The following C3orf33 variants were observed in gnomAD, a reference collection of about 807,000 sequenced individuals.
The protein encoded by C3orf33 is AP-1 activity suppressor.
A neutral mutation model predicts 28.7 loss-of-function variants in C3orf33; 23 were observed. The observed-to-expected ratio is 0.80, with a 90% CI of 0.58 to 1.13. The LOEUF is 1.13. Among genes scored for constraint, C3orf33 ranks in the 50% most tolerant of loss-of-function variants. The probability of loss-of-function intolerance (pLI) is 0.00; values close to 1 mark genes in which losing one functional copy is unlikely to be tolerated. For synonymous variants in C3orf33, 119 were observed against 120.5 expected, an observed-to-expected ratio of 0.99 and a Z score of 0.08; for missense variants, 327 against 353.4, an observed-to-expected ratio of 0.93 and a Z score of 0.60.
intron 3 of C3orf33, 82 bp downstream of exon 3, chr3:155,775,619 A>C: frequency 3.1e-6 from 3 of 963,626 alleles, no homozygotes; most frequent in Non-Finnish European, 4.5e-6. Flanking sequence ...AATTAAAATG[A>C]CTTTTTTTTG....
In C3orf33 at chr3:155,806,228, C is replaced by G; in HGVS notation, c.25G>C (p.Gly9Arg). 1.4e-6 allele frequency: 2 copies of G among 1,476,408 alleles called. No individual in the cohort carries two copies. The highest frequency in any genetic ancestry group is 1.8e-6 in the Non-Finnish European group (2 of 1,113,058). 91.5% of individuals were successfully genotyped at this position (1,476,408 alleles called of 1,614,324 possible). A position where few individuals can be genotyped will look rare whatever the true frequency, so the allele number is the denominator to read the frequency against. MAGQPAATGSPSADKDGME... is the reference protein window; with the variant it reads MAGQPAATRSPSADKDGME... ...CCGTCCTTGTCGGCAGACGGCGAGC[C>G]GGTGGCCGCGGGCTGCCCCGCCATG... is the stretch of plus-strand genomic sequence containing the variant. Residue 9 changes from glycine (G) to arginine (R), a missense_variant, in exon 1 of 5, where the codon GGC becomes CGC. Physicochemically the swap from Gly to Arg is moderately radical, Grantham distance 125 (BLOSUM62 -2). Transcript: ENST00000340171.
chr3:155,780,810 G>T (rs1389389812), intron 2 of C3orf33, among the ~76,000 whole-genome samples: 2 of 152,154 alleles, frequency 1.3e-5, no homozygotes, highest in Non-Finnish European at 2.9e-5. Context: ...ACGCTTTCCT[G>T]ACAAAGGAAA....
At chr3:155,803,897 C>T (rs897733240) in intron 1 of C3orf33, among the ~76,000 whole-genome samples, 5 of 149,296 alleles carry the variant, frequency 3.3e-5, no homozygotes, top group African/African-American at 1.0e-4. Context: ...AAAAAAGAGG[C>T]CGGCGCAGTG....
intron 3 of C3orf33, among the ~76,000 whole-genome samples, chr3:155,773,999 C>T (rs1750665495): frequency 6.6e-6 from 1 of 152,166 alleles, no homozygotes; most frequent in East Asian, 1.9e-4. Flanking sequence ...CAATCTTGTT[C>T]CTTTACAGTT....
intron 4 of C3orf33, among the ~76,000 whole-genome samples, chr3:155,766,747 G>A (rs950998594): frequency 6.6e-5 from 10 of 152,120 alleles, no homozygotes; most frequent in Non-Finnish European, 1.5e-5. Flanking sequence ...TCAGGAGTTC[G>A]AGACCTGCCT....
chr3:155,778,141 C>CAAAAAAAAAA (rs55700532), intron 2 of C3orf33, among the ~76,000 whole-genome samples: 6 of 75,778 alleles, frequency 7.9e-5, no homozygotes, highest in East Asian at 4.7e-4. Flanking sequence ...AACTCCATTT[C>CAAAAAAAAAA]AAAAAAAAAA....
chr3:155,777,303 A>G (rs867878601), intron 2 of C3orf33, among the ~76,000 whole-genome samples: 5 of 152,160 alleles, frequency 3.3e-5, no homozygotes, highest in Middle Eastern at 3.4e-3. Flanking sequence ...AACAAGAGCG[A>G]AACTCTGTCT....
chr3:155,783,149 C>T (rs1222690208), intron 2 of C3orf33, among the ~76,000 whole-genome samples: 73 of 150,214 alleles, frequency 4.9e-4, no homozygotes, highest in Admixed American at 4.8e-3. Flanking sequence ...ATACTCAACC[C>T]ATTCTACATT....
At chr3:155,781,053 A>C (rs1750906141) in intron 2 of C3orf33, among the ~76,000 whole-genome samples, 1 of 148,566 alleles carries the variant, frequency 6.7e-6, no homozygotes, top group South Asian at 2.1e-4. Flanking sequence ...TGCGGACTGC[A>C]GTGGCGCAAT....
intron 1 of C3orf33, chr3:155,805,834 A>C: frequency 2.0e-6 from 1 of 500,580 alleles, no homozygotes. Context: ...CAAATGCTCT[A>C]ATGGACCAGG....
chr3:155,793,205 T>A, intron 2 of C3orf33, among the ~76,000 whole-genome samples: 1 of 116,776 alleles, frequency 8.6e-6, no homozygotes. Context: ...AAAATATATA[T>A]GTGGCAAAAA....
chr3:155,777,851 G>C (rs1456495868), intron 2 of C3orf33, among the ~76,000 whole-genome samples: 1 of 152,068 alleles, frequency 6.6e-6, no homozygotes, highest in Non-Finnish European at 1.5e-5. Context: ...GAAAAAAATT[G>C]TTTTTAAGTA....
intron 2 of C3orf33, among the ~76,000 whole-genome samples, chr3:155,794,104 C>G (rs117687732): frequency 0.031 from 4,658 of 151,586 alleles, 85 homozygotes; most frequent in Middle Eastern, 0.11. Context: ...CTGTTAGCCT[C>G]CCAAGTAGCT....
intron 1 of C3orf33, among the ~76,000 whole-genome samples, 175 bp from the exon 2 acceptor site, chr3:155,802,766 G>A (rs1267951886): frequency 6.6e-6 from 1 of 152,056 alleles, no homozygotes. Flanking sequence ...CGTTCATTAT[G>A]ATGAATTCTT....
At chr3:155,773,831 T>TA (rs1009977554) in intron 3 of C3orf33, among the ~76,000 whole-genome samples, 17 of 152,214 alleles carry the variant, frequency 1.1e-4, no homozygotes, top group Admixed American at 6.5e-4. Context: ...ACTGAGAAGC[T>TA]AAAGGACCTG....
At chr3:155,779,457 G>T (rs1218678578) in intron 2 of C3orf33, among the ~76,000 whole-genome samples, 1 of 152,108 alleles carries the variant, frequency 6.6e-6, no homozygotes, top group African/African-American at 2.4e-5. Context: ...ACCACACCCA[G>T]CTAATTTTTA....
At chr3:155,790,442 G>A (rs537710941) in intron 2 of C3orf33, among the ~76,000 whole-genome samples, 115 of 152,146 alleles carry the variant, frequency 7.6e-4, no homozygotes, top group African/African-American at 2.6e-3. Flanking sequence ...ACAGGGCAGA[G>A]AAAAATGGCT....
intron 2 of C3orf33, among the ~76,000 whole-genome samples, chr3:155,795,791 A>G (rs1364994234): frequency 6.6e-6 from 1 of 151,662 alleles, no homozygotes; most frequent in Non-Finnish European, 1.5e-5. Context: ...CCCTGTCTCT[A>G]CTAAAAATAC....
intron 2 of C3orf33, among the ~76,000 whole-genome samples, chr3:155,799,427 G>A (rs1217780347): frequency 2.0e-5 from 3 of 152,166 alleles, no homozygotes; most frequent in African/African-American, 7.2e-5. Flanking sequence ...AGTGGACCAT[G>A]TCTGTAATCC....
Sources: allele counts gnomAD v4.1 joint callset (sites outside exome capture counted in the v4.1 genomes callset), GRCh38; gene constraint gnomAD v4.1.1; transcripts MANE v1.5; gene names NCBI Gene and HGNC (gene_info 2026-07-23, HGNC 2026-07-21).